MAPK8IP3: variants seen among roughly 807,000 people sequenced by gnomAD.
MAPK8IP3 encodes the protein C-Jun-amino-terminal kinase-interacting protein 3.
In MAPK8IP3, 49 loss-of-function variants were observed where a neutral mutation model predicts 157.8. That is an observed-to-expected ratio of 0.31 (90% confidence interval 0.25 to 0.39). The LOEUF is 0.39. Among genes scored for constraint, MAPK8IP3 ranks in the 10% least tolerant of loss-of-function variants. The probability of loss-of-function intolerance (pLI) is 1.00; values close to 1 mark genes in which losing one functional copy is unlikely to be tolerated. For missense variants in MAPK8IP3, 1,478 were observed against 1,889.4 expected, an observed-to-expected ratio of 0.78 and a Z score of 4.04; for synonymous variants, 897 against 777.7, an observed-to-expected ratio of 1.15 and a Z score of -2.55.
At chr16:1,723,619 TAAAACAAAAC>T (rs552255143) in intron 1 of MAPK8IP3, among the ~76,000 whole-genome samples, 25 of 152,188 alleles carry the variant, frequency 1.6e-4, no homozygotes, top group East Asian at 1.5e-3. Context: ...GACTCTCTCT[TAAAACAAAAC>T]AAAACAAAAC....
intron 4 of MAPK8IP3, among the ~76,000 whole-genome samples, chr16:1,740,399 C>T (rs912445151): frequency 8.6e-5 from 13 of 151,544 alleles, no homozygotes; most frequent in Admixed American, 7.9e-4. Context: ...TGTGACCGTC[C>T]GTGTGAGCGT....
chr16:1,749,775 C>A (rs538221371), intron 8 of MAPK8IP3, among the ~76,000 whole-genome samples: 1 of 152,200 alleles, frequency 6.6e-6, no homozygotes, highest in Admixed American at 6.5e-5. Context: ...TCCTGGTGTA[C>A]TCCTGAGCTG....
At chr16:1,757,673 G>A (rs1308355967) in intron 8 of MAPK8IP3, among the ~76,000 whole-genome samples, 1 of 152,186 alleles carries the variant, frequency 6.6e-6, no homozygotes, top group Non-Finnish European at 1.5e-5. Flanking sequence ...CCGAGGTCCT[G>A]CCCTACCCAG....
chr16:1,759,892 A>T (rs780106609), intron 10 of MAPK8IP3, 66 bp from the exon 11 acceptor site: 4 of 1,390,930 alleles, frequency 2.9e-6, no homozygotes, highest in Non-Finnish European at 4.1e-6. Flanking sequence ...GCCCTGAGGC[A>T]GGTGCGGCGG....
In MAPK8IP3 at chr16:1,751,306, G is replaced by T. The variant is rs901952309; in HGVS notation, c.1216+2586G>T. Among the ~76,000 whole-genome samples, 2 of 151,970 alleles carry T rather than the reference G, an allele frequency of 1.3e-5. No homozygotes were observed. Among genetic ancestry groups the T allele is most frequent in the Admixed American group, 6.6e-5 (1 of 15,262 alleles). ...CCCATCTCTACTAAAAATACAAAAAGAAATTAGCTGGGCCTGGTGGCGGGC... is the reference window on the plus strand; with the variant it reads ...CCCATCTCTACTAAAAATACAAAAATAAATTAGCTGGGCCTGGTGGCGGGC... On this transcript the variant is annotated intron_variant, in intron 8 of 31. Coordinates refer to ENST00000610761, the MANE Select transcript of MAPK8IP3 (RefSeq NM_001318852.2). The surrounding 1 kb of genome is among the most constrained non-coding windows in gnomAD (Gnocchi z 5.0).
intron 1 of MAPK8IP3, among the ~76,000 whole-genome samples, chr16:1,712,357 G>A (rs1466976538): frequency 2.0e-5 from 3 of 151,608 alleles, no homozygotes; most frequent in Non-Finnish European, 2.9e-5. Context: ...CATCGCGCCC[G>A]GCCAGCCTCA....
At chr16:1,711,069 G>A (rs1039620335) in intron 1 of MAPK8IP3, among the ~76,000 whole-genome samples, 1 of 152,262 alleles carries the variant, frequency 6.6e-6, no homozygotes, top group Admixed American at 6.5e-5. Context: ...GTCAGACAGG[G>A]CCGAGAGCTG....
At position 1,768,775 on chromosome 16, in the gene MAPK8IP3, C is replaced by A. The variant is rs775234047; in HGVS notation, c.3965C>A (p.Ala1322Glu). 4 of 1,612,742 alleles carry A rather than the reference C, an allele frequency of 2.5e-6. No homozygotes were observed. The highest frequency in any genetic ancestry group is 3.4e-6 in the Non-Finnish European group (4 of 1,179,852). Residue 1322 changes from alanine to glutamate, a missense_variant, in exon 32 of 32, where the codon GCA becomes GAA. Physicochemically the swap from Ala to Glu is moderately radical, Grantham distance 107. Transcript: ENST00000610761. ...CAGGTGAAGCCCGTGCTGTCCAAGG[C>A]AGAGCGCAGTCACATCATCGTGTGG... ...MSQVKPVLSK[A>E]ERSHIIVWQV...
intron 26 of MAPK8IP3, 43 bp downstream of exon 26, chr16:1,767,340 C>G (rs760453038): frequency 1.2e-6 from 2 of 1,609,134 alleles, no homozygotes; most frequent in Admixed American, 3.3e-5. Context: ...GAGGCTCCTG[C>G]TGGCCAGCAG....
Position 1,739,274 on chromosome 16 carries a change from G to A in MAPK8IP3, c.603-4058G>A, listed in dbSNP as rs539154084. ...CATGTGAGCATCTGTGTGACCGTCC[G>A]TGTGAGCATCCATGTGAGCCTGTGA... On this transcript the variant is annotated intron_variant, in intron 4 of 31. Transcript: ENST00000610761. 4.3e-4 allele frequency among the ~76,000 whole-genome samples: 59 copies of A among 138,124 alleles called. 1 individual carries two copies. Among genetic ancestry groups the A allele is most frequent in the African/African-American group, 1.4e-3 (49 of 36,066 alleles). 90.6% of individuals were successfully genotyped at this position (138,124 alleles called of 152,430 possible).
chr16:1,727,850 G>A (rs1473759143), intron 2 of MAPK8IP3, among the ~76,000 whole-genome samples: 1 of 152,228 alleles, frequency 6.6e-6, no homozygotes, highest in African/African-American at 2.4e-5. Flanking sequence ...CCAGATCACA[G>A]AGCAGGATGG....
chr16:1,755,590 T>C (rs1029338988), intron 8 of MAPK8IP3, among the ~76,000 whole-genome samples: 2 of 152,164 alleles, frequency 1.3e-5, no homozygotes, highest in African/African-American at 4.8e-5. Flanking sequence ...GGCTCATGCC[T>C]GTAATCCCAG....
chr16:1,741,899 A>T lies in MAPK8IP3; in HGVS notation c.603-1433A>T, dbSNP rs2040703765. On this transcript the variant is annotated intron_variant, in intron 4 of 31. Coordinates refer to ENST00000610761, the MANE Select transcript of MAPK8IP3 (RefSeq NM_001318852.2). The surrounding 1 kb of genome is among the most constrained non-coding windows in gnomAD (Gnocchi z 6.9). The stretch of plus-strand genomic sequence containing the variant: ...AGAGCTGTATGCACCCCACAAAGAG[A>T]CCCCTTCCCAGGGTCATTCTTCATA... Among the ~76,000 whole-genome samples the T allele has an allele frequency of 6.6e-6, 1 of 151,780 alleles. No homozygotes were observed. Among genetic ancestry groups the T allele is most frequent in the Admixed American group, 6.6e-5 (1 of 15,248 alleles).
At position 1,767,791 on chromosome 16, in the gene MAPK8IP3, G is replaced by C. The variant is rs370187707; in HGVS notation, c.3410-14G>C. ...GTGCTCAAGGCCAGCCACCCTGACCGCTCTCCCCCACAGGCACTGGCAAGC... is the reference window on the plus strand; with the variant it reads ...GTGCTCAAGGCCAGCCACCCTGACCCCTCTCCCCCACAGGCACTGGCAAGC... On this transcript the variant is annotated splice_polypyrimidine_tract_variant and intron_variant, in intron 27 of 31. Coordinates refer to ENST00000610761, the MANE Select transcript of MAPK8IP3 (RefSeq NM_001318852.2). The C allele has an allele frequency of 2.5e-6, 4 of 1,611,138 alleles. No individual in the cohort carries two copies. The African/African-American group carries it at 5.3e-5, about 22-fold the overall frequency.
At chr16:1,739,172 A>T (rs1163400855) in intron 4 of MAPK8IP3, among the ~76,000 whole-genome samples, 9 of 100,510 alleles carry the variant, frequency 9.0e-5, no homozygotes, top group African/African-American at 3.9e-5. Flanking sequence ...GAGTGTGACC[A>T]TCCATGTGAG....
chr16:1,757,758 C>A (rs2041695668), intron 8 of MAPK8IP3, among the ~76,000 whole-genome samples: 1 of 152,228 alleles, frequency 6.6e-6, no homozygotes, highest in Admixed American at 6.5e-5. Context: ...CTCCCTCGCC[C>A]ACGCTGGGGG....
chr16:1,724,122 G>A lies in MAPK8IP3; in HGVS notation c.319-435G>A, dbSNP rs1210137379. Reference sequence around the variant, plus strand: ...ACTGGCTGTGTGCTCATGGATCCCAGTGTAAAAATGGAAACACAGGGCTCT... The same window carrying A: ...ACTGGCTGTGTGCTCATGGATCCCAATGTAAAAATGGAAACACAGGGCTCT... On this transcript the variant is annotated intron_variant, in intron 1 of 31. Transcript: ENST00000610761. The surrounding 1 kb of genome is among the most constrained non-coding windows in gnomAD (Gnocchi z 4.1). Among the ~76,000 whole-genome samples the A allele has an allele frequency of 6.6e-6, 1 of 152,202 alleles. No homozygotes were observed. Among genetic ancestry groups the A allele is most frequent in the Non-Finnish European group, 1.5e-5 (1 of 68,040 alleles).
intron 4 of MAPK8IP3, among the ~76,000 whole-genome samples, chr16:1,737,069 T>C (rs1260645539): frequency 1.1e-4 from 9 of 82,590 alleles, no homozygotes; most frequent in Non-Finnish European, 1.9e-4. Context: ...AGCGTCCGTG[T>C]GAGCGTGTGA....
chr16:1,738,684 C>G (rs2040299476), intron 4 of MAPK8IP3, among the ~76,000 whole-genome samples: 1 of 122,868 alleles, frequency 8.1e-6, no homozygotes, highest in South Asian at 3.1e-4. Context: ...GTGTGACCGT[C>G]CGTGTAGCAT....
Sources: allele counts gnomAD v4.1 joint callset (sites outside exome capture counted in the v4.1 genomes callset), GRCh38; gene constraint gnomAD v4.1.1; non-coding constraint Gnocchi (gnomAD v3.1); transcripts MANE v1.5; gene names NCBI Gene and HGNC (gene_info 2026-07-23, HGNC 2026-07-21).